PITPNM3: variants seen among roughly 807,000 people sequenced by gnomAD.
PITPNM3 encodes the protein PITPNM family member 3.
PITPNM3 carries 26 observed loss-of-function variants against 102.0 expected under a neutral mutation model. The ratio of observed to expected loss-of-function variants is 0.25; its 90% CI spans 0.19 to 0.35. The LOEUF is 0.35. PITPNM3 is among the 10% of genes least tolerant of loss of function. The pLI, the probability that PITPNM3 is intolerant of heterozygous loss-of-function variation, is 1.00. For missense variants in PITPNM3, 1,083 were observed against 1,346.1 expected (o/e 0.80, Z 3.06); for synonymous variants, 578 against 558.6 (o/e 1.03, Z -0.49).
At chr17:6,527,860 A>T (rs982644873) in intron 2 of PITPNM3, among the ~76,000 whole-genome samples, 2 of 152,226 alleles carry the variant, frequency 1.3e-5, no homozygotes, top group African/African-American at 4.8e-5. Flanking sequence ...CTACAGTGCC[A>T]TAAGTCCTGT....
rs554109582 is a variant in PITPNM3 at position 6,452,194 on chromosome 17, G to A, written c.*3144C>T. The A allele has an allele frequency of 6.6e-6, 1 of 152,304 alleles. No homozygotes were observed. Among genetic ancestry groups the A allele is most frequent in the South Asian group, 2.1e-4 (1 of 4,818 alleles). 9.4% of individuals were successfully genotyped at this position (152,304 alleles called of 1,614,324 possible). A position where few individuals can be genotyped will look rare whatever the true frequency, so the allele number is the denominator to read the frequency against. On this transcript the variant is annotated 3_prime_UTR_variant, in exon 20 of 20. Coordinates refer to ENST00000262483, the MANE Select transcript of PITPNM3 (RefSeq NM_031220.4). ...CCGTTCATCCCAATGCATGAAAGGA[G>A]TCTGCTTTTTTAAAAAAGAAATATT...
intron 3 of PITPNM3, among the ~76,000 whole-genome samples, chr17:6,523,665 A>T (rs1249748576): frequency 6.6e-6 from 1 of 152,190 alleles, no homozygotes; most frequent in Non-Finnish European, 1.5e-5. Context: ...GTGGGGCAGG[A>T]CCTAGAATCC....
chr17:6,473,226 G>A, intron 10 of PITPNM3: 1 of 324,580 alleles, frequency 3.1e-6, no homozygotes, highest in Non-Finnish European at 6.0e-6. Context: ...CAGGTCAGCT[G>A]CCCCTTCCAC....
intron 17 of PITPNM3, 110 bp downstream of exon 17, chr17:6,463,622 C>T: frequency 6.9e-7 from 1 of 1,455,144 alleles, no homozygotes; most frequent in African/African-American, 1.4e-5. Context: ...CTCGCAGCCC[C>T]AGAGACCGGT....
chr17:6,531,717 C>T (rs75529880), intron 2 of PITPNM3, among the ~76,000 whole-genome samples: 7,438 of 152,264 alleles, frequency 0.049, 271 homozygotes, highest in South Asian at 0.15. Flanking sequence ...GTCTAGTCTG[C>T]CCCCTCTCTC....
intron 1 of PITPNM3, among the ~76,000 whole-genome samples, chr17:6,544,655 C>CACACACACACAT (rs1555562206): frequency 2.9e-4 from 4 of 14,006 alleles, no homozygotes; most frequent in Admixed American, 1.1e-3. Context: ...CTCTCTCTCT[C>CACACACACACAT]ACACACACAC....
At position 6,451,918 on chromosome 17, in the gene PITPNM3, T is replaced by G. The variant is rs1402083273; in HGVS notation, c.*3420A>C. 3 of 113,818 alleles carry G rather than the reference T, an allele frequency of 2.6e-5. No homozygotes were observed. Among genetic ancestry groups the G allele is most frequent in the Non-Finnish European group, 5.4e-5 (3 of 55,566 alleles). The allele number at this position is 113,818 out of a possible 1,614,324, so 7.1% of individuals were successfully genotyped here. A position where few individuals can be genotyped will look rare whatever the true frequency, so the allele number is the denominator to read the frequency against. On this transcript the variant is annotated 3_prime_UTR_variant, in exon 20 of 20. Coordinates refer to ENST00000262483, the MANE Select transcript of PITPNM3 (RefSeq NM_031220.4). ...GATGGGATTCGGTGGGAAAGTTGGT[T>G]GTTTAAGGCGGGGTCAGGGCACCCC...
intron 4 of PITPNM3, among the ~76,000 whole-genome samples, chr17:6,494,575 T>C (rs947993617): frequency 2.6e-5 from 4 of 152,118 alleles, no homozygotes; most frequent in African/African-American, 9.7e-5. Context: ...TGCTCAACCT[T>C]AGAACCCTAA....
chr17:6,467,454 C>T (rs1036635165), intron 14 of PITPNM3, among the ~76,000 whole-genome samples: 6 of 152,196 alleles, frequency 3.9e-5, no homozygotes, highest in African/African-American at 1.4e-4. Context: ...TGTGAATATA[C>T]TAAAATCCAC....
At chr17:6,486,814 CT>C (rs1447468702) in intron 4 of PITPNM3, among the ~76,000 whole-genome samples, 1 of 152,218 alleles carries the variant, frequency 6.6e-6, no homozygotes, top group African/African-American at 2.4e-5. Context: ...TTATTATGTC[CT>C]GGGCACTATG....
rs763285088 is a variant in PITPNM3, at chr17:6,478,012, G to C, written c.863C>G (p.Ala288Gly). The C allele has an allele frequency of 2.5e-6, 4 of 1,613,394 alleles. No individual in the cohort carries two copies. Among genetic ancestry groups the C allele is most frequent in the Non-Finnish European group, 3.4e-6 (4 of 1,180,048 alleles). Residue 288 changes from alanine (A) to glycine (G), a missense_variant, in exon 8 of 20, where the codon GCC becomes GGC. Ala to Gly is a moderately conservative substitution (Grantham distance 60). Around this residue, in one of 5 missense-constraint regions of PITPNM3, gnomAD observed 172 missense variants for 175.6 expected, o/e 0.98. Transcript: ENST00000262483. The surrounding 1 kb of genome is among the most constrained non-coding windows in gnomAD (Gnocchi z 4.4). ...YSAGPSGDSP[A>G]SSSRKGSISS... ...GATGCTCCCCTTCCGGCTGCTGCTGGCAGGGCTGTCCCCTGAGGGCCCCGC... is the reference window on the plus strand; with the variant it reads ...GATGCTCCCCTTCCGGCTGCTGCTGCCAGGGCTGTCCCCTGAGGGCCCCGC...
intron 3 of PITPNM3, among the ~76,000 whole-genome samples, chr17:6,522,695 A>C (rs1908606451): frequency 6.6e-6 from 1 of 152,176 alleles, no homozygotes; most frequent in South Asian, 2.1e-4. Context: ...AACTTGAAGA[A>C]GACAAGAGGA....
Position 6,454,586 on chromosome 17 carries a change from A to C in PITPNM3, c.*752T>G, listed in dbSNP as rs974378038. ...CAGCTCAGGGGCTCACAGCCAGCCC[A>C]GCTGAGCCAGAGCCCAAGGCTGCAG... On this transcript the variant is annotated 3_prime_UTR_variant, in exon 20 of 20. Transcript: ENST00000262483. 1 of 152,348 alleles carries C rather than the reference A, an allele frequency of 6.6e-6. No individual in the cohort carries two copies. Among genetic ancestry groups the C allele is most frequent in the African/African-American group, 2.4e-5 (1 of 41,476 alleles). 9.4% of individuals were successfully genotyped at this position (152,348 alleles called of 1,614,324 possible). A position where few individuals can be genotyped will look rare whatever the true frequency, so the allele number is the denominator to read the frequency against.
chr17:6,518,646 C>T (rs774210621), intron 3 of PITPNM3, among the ~76,000 whole-genome samples: 13 of 151,884 alleles, frequency 8.6e-5, no homozygotes, highest in Non-Finnish European at 1.8e-4. Context: ...GTAGAGAAAA[C>T]GGTAGACAAT....
At chr17:6,540,398 G>A (rs1004595415) in intron 1 of PITPNM3, among the ~76,000 whole-genome samples, 13 of 152,140 alleles carry the variant, frequency 8.5e-5, no homozygotes, top group Non-Finnish European at 1.8e-4. Context: ...TGTCTCTTAT[G>A]TGATAATTAC....
At chr17:6,466,462 G>A (rs1370038617) in intron 14 of PITPNM3, among the ~76,000 whole-genome samples, 1 of 152,168 alleles carries the variant, frequency 6.6e-6, no homozygotes, top group African/African-American at 2.4e-5. Flanking sequence ...GGGAGAGGGA[G>A]CAGCTGGTTC....
At chr17:6,481,808 T>C (rs1004867356) in intron 6 of PITPNM3, 32 of 145,692 alleles carry the variant, frequency 2.2e-4, no homozygotes, top group African/African-American at 8.1e-4. Context: ...GATGGATGGA[T>C]GGACGGATGG....
At chr17:6,476,885 G>T in intron 9 of PITPNM3, 144 bp downstream of exon 9, 1 of 1,046,482 alleles carries the variant, frequency 9.6e-7, no homozygotes. Context: ...CTCAGTACAG[G>T]GCCGATGGCG....
At chr17:6,464,094 C>T in intron 16 of PITPNM3, 76 bp downstream of exon 16, 1 of 1,606,782 alleles carries the variant, frequency 6.2e-7, no homozygotes, top group East Asian at 2.2e-5. Flanking sequence ...CCAAGGACCC[C>T]ATCCTCTAGA....
Sources: allele counts gnomAD v4.1 joint callset (sites outside exome capture counted in the v4.1 genomes callset), GRCh38; gene constraint gnomAD v4.1.1; regional missense constraint gnomAD v4.1.1; non-coding constraint Gnocchi (gnomAD v3.1); transcripts MANE v1.5; gene names NCBI Gene and HGNC (gene_info 2026-07-23, HGNC 2026-07-21).